Variants in ZMIZ1 observed in about 807,000 individuals in gnomAD.
ZMIZ1 encodes the protein zinc finger MIZ-type containing 1, also known as zinc finger MIZ domain-containing protein 1.
ZMIZ1 carries 17 observed loss-of-function variants against 113.9 expected under a neutral mutation model. The observed-to-expected ratio is 0.15, with a 90% confidence interval of 0.10 to 0.22. The LOEUF (loss-of-function observed/expected upper bound fraction) is 0.22, where lower values mean the gene tolerates loss of function less well. Ranked by LOEUF, ZMIZ1 falls within the 10% of genes least tolerant of loss-of-function variation. The pLI is 1.00. For synonymous variants in ZMIZ1, 607 were observed against 603.1 expected (o/e 1.01, Z -0.09); for missense variants, 1,059 against 1,477.8 (o/e 0.72, Z 4.65).
chr10:79,170,442 G>A (rs1272646355), intron 4 of ZMIZ1, among the ~76,000 whole-genome samples: 3 of 152,222 alleles, frequency 2.0e-5, no homozygotes, highest in African/African-American at 7.2e-5. Context: ...CAGCCTCAGA[G>A]CCCTAGGGAT....
At chr10:79,077,568 A>C (rs7091873) in intron 1 of ZMIZ1, among the ~76,000 whole-genome samples, 28,852 of 152,028 alleles carry the variant, frequency 0.19, 4,404 homozygotes, top group African/African-American at 0.41. Flanking sequence ...TTGTTTACAT[A>C]CTTAAAACAA....
chr10:79,304,286 G>A (rs375536642), intron 19 of ZMIZ1, 111 bp downstream of exon 19: 13 of 1,347,764 alleles, frequency 9.6e-6, no homozygotes, highest in East Asian at 7.3e-5. Context: ...CCTGAAGGAC[G>A]TCATGGAGAT....
At chr10:79,195,343 CT>C (rs200828744) in intron 4 of ZMIZ1, among the ~76,000 whole-genome samples, 1,786 of 152,342 alleles carry the variant, frequency 0.012, 7 homozygotes, top group Non-Finnish European at 0.017. Flanking sequence ...TGGCTCCTGG[CT>C]GCTCTGACCA....
At chr10:79,159,344 G>A (rs1446660010) in intron 3 of ZMIZ1, among the ~76,000 whole-genome samples, 1 of 152,194 alleles carries the variant, frequency 6.6e-6, no homozygotes, top group Non-Finnish European at 1.5e-5. Flanking sequence ...AGCTGTGGTG[G>A]GTGTGCACAG....
intron 1 of ZMIZ1, among the ~76,000 whole-genome samples, chr10:79,092,445 C>T (rs549712452): frequency 3.9e-5 from 6 of 152,368 alleles, no homozygotes; most frequent in African/African-American, 1.4e-4. Flanking sequence ...TAAATGGATC[C>T]GTGCTGATAA....
intron 7 of ZMIZ1, among the ~76,000 whole-genome samples, chr10:79,234,136 C>T (rs755918446): frequency 6.6e-6 from 1 of 152,164 alleles, no homozygotes; most frequent in Non-Finnish European, 1.5e-5. Context: ...CAAGGGATGA[C>T]ATGGTCAGAT....
rs369897144 is a variant in ZMIZ1 at position 79,296,596 on chromosome 10, C to T, written c.1356C>T (p.Ser452=). ...SPNYPGQRMP[S]QPSSGQYPPP... Reference sequence around the variant, plus strand: ...ACTACCCAGGACAGAGGATGCCCAGCCAGCCGAGCTCCGGGCAGTACCCGC... The same window carrying T: ...ACTACCCAGGACAGAGGATGCCCAGTCAGCCGAGCTCCGGGCAGTACCCGC... The change falls in exon 13 of 25, where the codon AGC becomes AGT. Residue 452 remains serine, a synonymous_variant. Coordinates refer to ENST00000334512, the MANE Select transcript of ZMIZ1 (RefSeq NM_020338.4). The surrounding 1 kb of genome is among the most constrained non-coding windows in gnomAD (Gnocchi z 4.1). 1.2e-6 allele frequency: 2 copies of T among 1,611,780 alleles called. No homozygotes were observed. Among genetic ancestry groups the T allele is most frequent in the African/African-American group, 2.7e-5 (2 of 74,804 alleles).
intron 3 of ZMIZ1, among the ~76,000 whole-genome samples, chr10:79,143,552 C>G (rs1845357544): frequency 6.6e-6 from 1 of 152,198 alleles, no homozygotes. Context: ...GTGCCAAATG[C>G]AGGGCTCGAG....
chr10:79,165,627 T>G (rs956617729), intron 4 of ZMIZ1, among the ~76,000 whole-genome samples: 11 of 152,212 alleles, frequency 7.2e-5, no homozygotes, highest in Admixed American at 5.9e-4. Flanking sequence ...CAGACTGGCC[T>G]GGGGGGCCCT....
chr10:79,135,944 C>T (rs1564672402), intron 2 of ZMIZ1, among the ~76,000 whole-genome samples: 1 of 152,212 alleles, frequency 6.6e-6, no homozygotes, highest in Non-Finnish European at 1.5e-5. Context: ...TCTCATCAGC[C>T]CCTTTATCGC....
chr10:79,287,521 T>C (rs529714987), intron 8 of ZMIZ1, among the ~76,000 whole-genome samples: 43 of 152,386 alleles, frequency 2.8e-4, no homozygotes, highest in Non-Finnish European at 5.4e-4. Flanking sequence ...CCACATCAGA[T>C]TTAGGCTGCT....
intron 18 of ZMIZ1, among the ~76,000 whole-genome samples, chr10:79,303,051 G>A (rs1006791777): frequency 4.6e-5 from 7 of 151,872 alleles, no homozygotes; most frequent in Admixed American, 3.9e-4. Flanking sequence ...TAGTAGAGAC[G>A]GGGTTTCACC....
chr10:79,154,231 C>T (rs1219309801), intron 3 of ZMIZ1, among the ~76,000 whole-genome samples: 6 of 152,134 alleles, frequency 3.9e-5, no homozygotes, highest in Non-Finnish European at 8.8e-5. Flanking sequence ...CACAAACCCC[C>T]TTTGGGTTTG....
chr10:79,150,204 G>A (rs1845656465), intron 3 of ZMIZ1, among the ~76,000 whole-genome samples: 2 of 152,310 alleles, frequency 1.3e-5, no homozygotes, highest in South Asian at 4.1e-4. Flanking sequence ...GCCTCGGCGA[G>A]TGGCCACCCG....
At chr10:79,137,668 C>G (rs1203407226) in intron 2 of ZMIZ1, among the ~76,000 whole-genome samples, 1 of 152,164 alleles carries the variant, frequency 6.6e-6, no homozygotes, top group African/African-American at 2.4e-5. Context: ...TGGGAGCTCT[C>G]CCGGTAACTG....
At chr10:79,286,403 C>G (rs573919486) in intron 8 of ZMIZ1, among the ~76,000 whole-genome samples, 24 of 152,354 alleles carry the variant, frequency 1.6e-4, no homozygotes, top group Non-Finnish European at 3.5e-4. Flanking sequence ...TCTGCGACAG[C>G]AGGAGCCCGT....
intron 3 of ZMIZ1, among the ~76,000 whole-genome samples, chr10:79,148,812 G>T (rs1845597704): frequency 6.6e-6 from 1 of 152,172 alleles, no homozygotes; most frequent in African/African-American, 2.4e-5. Context: ...GCTGACTTCT[G>T]TCTTCCACCC....
Position 79,069,151 on chromosome 10 carries a change from A to T in ZMIZ1, c.-456A>T, listed in dbSNP as rs954210106. The T allele has an allele frequency of 1.3e-5, 2 of 150,002 alleles. No homozygotes were observed. The highest frequency in any genetic ancestry group is 2.4e-5 in the African/African-American group (1 of 41,004). 9.3% of individuals were successfully genotyped at this position (150,002 alleles called of 1,614,324 possible). ...ACCCCAGCCCCAGCCGGCGCGGAGC[A>T]GGAGCCGGAGCCGAGCGGATCTCGG... is the stretch of plus-strand genomic sequence containing the variant. On this transcript the variant is annotated 5_prime_UTR_variant, in exon 1 of 25. Transcript: ENST00000334512. This position sits in a 1 kb window ranked among gnomAD's most constrained non-coding sequence, Gnocchi z 4.6.
At chr10:79,220,868 G>A (rs766420537) in intron 7 of ZMIZ1, among the ~76,000 whole-genome samples, 2 of 120,196 alleles carry the variant, frequency 1.7e-5, no homozygotes, top group East Asian at 8.0e-4. Flanking sequence ...CTGCATGGCT[G>A]TGCACATGTG....
Sources: allele counts gnomAD v4.1 joint callset (sites outside exome capture counted in the v4.1 genomes callset), GRCh38; gene constraint gnomAD v4.1.1; non-coding constraint Gnocchi (gnomAD v3.1); transcripts MANE v1.5; gene names NCBI Gene and HGNC (gene_info 2026-07-23, HGNC 2026-07-21).